The following FGF14 variants were observed in gnomAD, a reference collection of about 807,000 sequenced individuals.
FGF14 encodes fibroblast growth factor 14.
In FGF14, 5 loss-of-function variants were observed where a neutral mutation model predicts 25.5. The observed-to-expected ratio is 0.20, with a 90% CI of 0.10 to 0.41. The LOEUF (loss-of-function observed/expected upper bound fraction) is 0.41. FGF14 is among the 10% of genes least tolerant of loss of function. The probability of loss-of-function intolerance (pLI) is 1.00; values close to 1 mark genes in which losing one functional copy is unlikely to be tolerated. For synonymous variants in FGF14, 138 were observed against 118.3 expected, an observed-to-expected ratio of 1.17 and a Z score of -1.08; for missense variants, 222 against 320.1, an observed-to-expected ratio of 0.69 and a Z score of 2.34.
chr13:102,323,955 G>C (rs1232611945), intron 1 of FGF14, among the ~76,000 whole-genome samples: 2 of 110,538 alleles, frequency 1.8e-5, no homozygotes, highest in Non-Finnish European at 3.7e-5. Flanking sequence ...CCAACGTGCA[G>C]TATGTGTGTG....
intron 3 of FGF14, among the ~76,000 whole-genome samples, chr13:101,811,726 C>T (rs1452402907): frequency 2.6e-5 from 4 of 152,094 alleles, no homozygotes; most frequent in Admixed American, 6.6e-5. Flanking sequence ...ATTTTACATC[C>T]CAACCAGCAA....
intron 1 of FGF14, among the ~76,000 whole-genome samples, chr13:102,227,440 C>G (rs1404218078): frequency 2.0e-5 from 3 of 152,124 alleles, no homozygotes; most frequent in African/African-American, 7.2e-5. Context: ...GTCTTCCTCT[C>G]CTACTATGTA....
At chr13:101,788,802 CT>C (rs374880000) in intron 3 of FGF14, among the ~76,000 whole-genome samples, 2 of 146,640 alleles carry the variant, frequency 1.4e-5, no homozygotes. Context: ...TTTCTTTGCC[CT>C]TTTTTCCCAG....
intron 1 of FGF14, among the ~76,000 whole-genome samples, chr13:101,953,648 T>C (rs2036322255): frequency 6.6e-6 from 1 of 151,422 alleles, no homozygotes; most frequent in Non-Finnish European, 1.5e-5. Flanking sequence ...TGGAGTACAA[T>C]GGCGCAATCT....
intron 1 of FGF14, among the ~76,000 whole-genome samples, chr13:102,307,624 A>G (rs2055467439): frequency 6.6e-6 from 1 of 152,186 alleles, no homozygotes; most frequent in South Asian, 2.1e-4. Flanking sequence ...TCACATAGCA[A>G]TAATAATCAC....
intron 3 of FGF14, among the ~76,000 whole-genome samples, chr13:101,730,298 A>C (rs1245252956): frequency 6.6e-6 from 1 of 152,230 alleles, no homozygotes; most frequent in African/African-American, 2.4e-5. Flanking sequence ...TGTTTGTAGC[A>C]CATGAGTATA....
chr13:102,059,927 A>G (rs1466048365), intron 1 of FGF14, among the ~76,000 whole-genome samples: 1 of 151,674 alleles, frequency 6.6e-6, no homozygotes, highest in African/African-American at 2.4e-5. Flanking sequence ...AAACAAAACA[A>G]AAGATTAAAA....
intron 1 of FGF14, among the ~76,000 whole-genome samples, chr13:102,191,368 C>T (rs1263383694): frequency 6.6e-6 from 1 of 152,170 alleles, no homozygotes; most frequent in African/African-American, 2.4e-5. Flanking sequence ...TCTCACAGTC[C>T]TGGAGGCTAG....
chr13:101,904,564 G>C (rs1260189308), intron 1 of FGF14, among the ~76,000 whole-genome samples: 2 of 152,180 alleles, frequency 1.3e-5, no homozygotes, highest in Non-Finnish European at 2.9e-5. Context: ...GTAAACGAAT[G>C]TTCCTGGGGA....
At chr13:102,161,619 GAA>G (rs2047696519) in intron 1 of FGF14, among the ~76,000 whole-genome samples, 1 of 4,608 alleles carries the variant, frequency 2.2e-4, no homozygotes, top group Non-Finnish European at 3.6e-4. Context: ...AGAAGAAGAA[GAA>G]GAAGAAGAAG....
At chr13:101,727,765 G>C (rs540079371) in intron 3 of FGF14, among the ~76,000 whole-genome samples, 6 of 152,110 alleles carry the variant, frequency 3.9e-5, no homozygotes, top group Non-Finnish European at 8.8e-5. Flanking sequence ...AGTTCAACCT[G>C]TCTGGTTATA....
At chr13:101,752,191 T>A (rs1323705536) in intron 3 of FGF14, among the ~76,000 whole-genome samples, 1 of 152,140 alleles carries the variant, frequency 6.6e-6, no homozygotes, top group Non-Finnish European at 1.5e-5. Context: ...ACATTTTAAA[T>A]GAAGTCTGTA....
At chr13:101,794,778 G>C (rs1158500542) in intron 3 of FGF14, among the ~76,000 whole-genome samples, 2 of 152,046 alleles carry the variant, frequency 1.3e-5, no homozygotes, top group African/African-American at 4.8e-5. Context: ...CAAAACAATA[G>C]CTCGTGTTCA....
At chr13:102,104,776 AC>A (rs915673480) in intron 1 of FGF14, among the ~76,000 whole-genome samples, 30 of 152,078 alleles carry the variant, frequency 2.0e-4, no homozygotes, top group Non-Finnish European at 3.1e-4. Flanking sequence ...ACAGAACGAG[AC>A]CCTATCTAAA....
intron 1 of FGF14, among the ~76,000 whole-genome samples, chr13:102,159,658 T>G (rs1057299926): frequency 2.0e-5 from 3 of 152,194 alleles, no homozygotes; most frequent in Admixed American, 6.5e-5. Context: ...TCCTATCTTA[T>G]TTATTTTTGT....
chr13:101,724,523 A>G (rs375319403), intron 4 of FGF14, among the ~76,000 whole-genome samples: 1 of 150,634 alleles, frequency 6.6e-6, no homozygotes, highest in Non-Finnish European at 1.5e-5. Context: ...GCACACCAAC[A>G]TGGCACATGT....
intron 1 of FGF14, among the ~76,000 whole-genome samples, chr13:102,388,182 T>C (rs961791886): frequency 6.6e-6 from 1 of 152,200 alleles, no homozygotes; most frequent in Non-Finnish European, 1.5e-5. Flanking sequence ...AAGAAGAGTA[T>C]GTCAATACTA....
chr13:101,831,691 C>A (rs1041394902), intron 3 of FGF14, among the ~76,000 whole-genome samples: 1 of 152,114 alleles, frequency 6.6e-6, no homozygotes, highest in African/African-American at 2.4e-5. Context: ...CTGTACCAGA[C>A]TCTGCATAGA....
At chr13:102,161,664 G>C (rs1440619766) in intron 1 of FGF14, among the ~76,000 whole-genome samples, 8 of 32,436 alleles carry the variant, frequency 2.5e-4, no homozygotes, top group African/African-American at 7.4e-4. Flanking sequence ...AGAAGAAGAA[G>C]AAGAAGAAGA....
Sources: gnomAD v4.1 joint callset for allele counts (sites outside exome capture counted in the v4.1 genomes callset) on GRCh38, gnomAD v4.1.1 for gene constraint, MANE v1.5 for transcripts, NCBI Gene and HGNC (gene_info 2026-07-23, HGNC 2026-07-21) for gene names.